The following DBF4B variants were observed in gnomAD, a reference collection of about 807,000 sequenced individuals.
The protein encoded by DBF4B is protein DBF4 homolog B.
In DBF4B, 49 loss-of-function variants were observed where a neutral mutation model predicts 53.4. The ratio of observed to expected loss-of-function variants is 0.92; its 90% CI spans 0.73 to 1.16. The LOEUF is 1.16. Among genes scored for constraint, DBF4B ranks in the 50% most tolerant of loss-of-function variants. The pLI is 0.00. For synonymous variants in DBF4B, 257 were observed against 288.7 expected (o/e 0.89, Z 1.11); for missense variants, 692 against 775.0 (o/e 0.89, Z 1.27).
rs1238074771 is a variant in DBF4B at position 44,748,919 on chromosome 17, C to G, written c.1189+454C>G. On this transcript the variant is annotated intron_variant, in intron 13 of 13. Coordinates refer to ENST00000315005, the MANE Select transcript of DBF4B (RefSeq NM_145663.3). The stretch of plus-strand genomic sequence containing the variant: ...CAGACCTGCCTCTCTCTCCCAGACC[C>G]CTTCCCCTGGCAGCCCACAGACAGA... The G allele has an allele frequency of 3.1e-6, 4 of 1,289,974 alleles. No individual in the cohort carries two copies. In the Admixed American group the frequency reaches 9.2e-5, roughly 30 times the overall value. The allele number at this position is 1,289,974 out of a possible 1,614,324, so 79.9% of individuals were successfully genotyped here. A position where few individuals can be genotyped will look rare whatever the true frequency, so the allele number is the denominator to read the frequency against.
chr17:44,741,351 C>A lies in DBF4B; in HGVS notation c.729C>A (p.Phe243Leu), dbSNP rs749122733. 2 of 1,613,166 alleles carry A rather than the reference C, an allele frequency of 1.2e-6. No individual in the cohort carries two copies. The highest frequency in any genetic ancestry group is 1.7e-5 in the Admixed American group (1 of 60,000). Residue 243 changes from phenylalanine to leucine, a missense_variant, in exon 10 of 14, where the codon TTC becomes TTA. By Grantham distance (22) the Phe-to-Leu change is conservative (BLOSUM62 0). This residue lies in a region of DBF4B where 597 missense variants were observed against 665.8 expected (regional missense o/e 0.90). Transcript: ENST00000315005. ...TCTGTTGCAGGAAGTTTCGTCCTTT[C>A]CATCATCAGTTTAAATCCTTTCCTG... The part of the protein sequence containing the change: ...IEDESRKFRP[F>L]HHQFKSFPEI...
Position 44,749,577 on chromosome 17 carries a change from G to A in DBF4B, c.1190-1018G>A, listed in dbSNP as rs2049223705. On this transcript the variant is annotated intron_variant, in intron 13 of 13. Coordinates refer to ENST00000315005, the MANE Select transcript of DBF4B (RefSeq NM_145663.3). This position sits in a 1 kb window ranked among gnomAD's most constrained non-coding sequence, Gnocchi z 4.4. ...GGCCAGGTCTTTGGGAGAGAATCTGGGCTGGGGGCTGCCCTCTCCTACCCC... is the reference window on the plus strand; with the variant it reads ...GGCCAGGTCTTTGGGAGAGAATCTGAGCTGGGGGCTGCCCTCTCCTACCCC... 4 of 1,201,710 alleles carry A rather than the reference G, an allele frequency of 3.3e-6. No individual in the cohort carries two copies. Among genetic ancestry groups the A allele is most frequent in the Non-Finnish European group, 3.2e-6 (3 of 947,460 alleles). The allele number at this position is 1,201,710 out of a possible 1,614,324, so 74.4% of individuals were successfully genotyped here.
chr17:44,731,201 G>A (rs190305044), intron 5 of DBF4B, 186 bp downstream of exon 5: 2 of 635,212 alleles, frequency 3.1e-6, no homozygotes, highest in African/African-American at 3.7e-5. Context: ...CATTCACCTA[G>A]AGAGTAAGTG....
chr17:44,741,520 G>A, intron 10 of DBF4B, 68 bp downstream of exon 10: 1 of 1,117,264 alleles, frequency 9.0e-7, no homozygotes, highest in Admixed American at 2.3e-5. Context: ...TCGGGGGCCT[G>A]CTGGTCAGAT....
intron 4 of DBF4B, 24 bp downstream of exon 4, chr17:44,730,120 T>C: frequency 6.2e-7 from 1 of 1,609,506 alleles, no homozygotes; most frequent in Non-Finnish European, 8.5e-7. Context: ...GTAGGAAAGG[T>C]ATGCTGTGTA....
chr17:44,731,129 T>C (rs2144948305), intron 5 of DBF4B, 114 bp downstream of exon 5: 1 of 1,163,192 alleles, frequency 8.6e-7, no homozygotes, highest in Non-Finnish European at 1.3e-6. Flanking sequence ...CTGCGATATG[T>C]AGTATTGTCA....
intron 2 of DBF4B, among the ~76,000 whole-genome samples, chr17:44,710,414 T>C (rs1273240618): frequency 2.0e-5 from 3 of 152,164 alleles, no homozygotes; most frequent in Non-Finnish European, 2.9e-5. Flanking sequence ...AAAATTTAAG[T>C]CAATTTTTTT....
At chr17:44,741,914 C>A (rs1976071978) in intron 10 of DBF4B, among the ~76,000 whole-genome samples, 1 of 152,052 alleles carries the variant, frequency 6.6e-6, no homozygotes, top group South Asian at 2.1e-4. Flanking sequence ...TATCTATAGA[C>A]CACCATTATC....
intron 6 of DBF4B, chr17:44,733,849 G>T (rs949815272): frequency 3.8e-6 from 2 of 529,082 alleles, no homozygotes; most frequent in African/African-American, 3.8e-5. Context: ...AAGATGAGTT[G>T]TATTCAATGC....
rs924705622 is a variant in DBF4B, at chr17:44,746,950, G to A, written c.831-133G>A. ...TACCAAGCTCAGGGAAGGCCTGCCT[G>A]CCGGTGCCTGCACAGCCCCTTGGCC... On this transcript the variant is annotated intron_variant, in intron 10 of 13. Transcript: ENST00000315005. The A allele has an allele frequency of 5.4e-6, 4 of 744,982 alleles. No homozygotes were observed. The African/African-American group carries it at 7.0e-5, about 13-fold the overall frequency. The allele number at this position is 744,982 out of a possible 1,614,324, so 46.1% of individuals were successfully genotyped here.
rs138562124 is a variant in DBF4B at position 44,727,916 on chromosome 17, C to T, written c.226-1989C>T. On this transcript the variant is annotated intron_variant, in intron 3 of 13. Coordinates refer to ENST00000315005, the MANE Select transcript of DBF4B (RefSeq NM_145663.3). The stretch of plus-strand genomic sequence containing the variant: ...TACTTTTAGTGAAGACGAAGTTTCA[C>T]CATGTTGGCCAGGCTGGTCTCAAAC... Among the ~76,000 whole-genome samples, 1,139 of 145,602 alleles carry T rather than the reference C, an allele frequency of 7.8e-3. 14 individuals are homozygous for T. The highest frequency in any genetic ancestry group is 0.027 in the African/African-American group (1,074 of 39,196).
chr17:44,725,684 C>CT (rs68091397), intron 3 of DBF4B, among the ~76,000 whole-genome samples: 2,741 of 87,634 alleles, frequency 0.031, 281 homozygotes, highest in Non-Finnish European at 0.047. Context: ...TTTTGTGCTT[C>CT]TTTTTTTTTT....
intron 3 of DBF4B, among the ~76,000 whole-genome samples, chr17:44,724,188 A>T (rs56654735): frequency 0.013 from 2,016 of 152,230 alleles, 40 homozygotes; most frequent in African/African-American, 0.044. Context: ...TCTTGAGCCC[A>T]GGAGTTTAGA....
Position 44,749,740 on chromosome 17 carries a change from C to T in DBF4B, c.1190-855C>T. 8.9e-7 allele frequency: 1 copy of T among 1,126,396 alleles called. No homozygotes were observed. 69.8% of individuals were successfully genotyped at this position (1,126,396 alleles called of 1,614,324 possible). ...GGAGCTGGGGCAGCAGGAGTCCTGGCCCGGCTTCCTGGCCCTCCACAGGCC... is the reference window on the plus strand; with the variant it reads ...GGAGCTGGGGCAGCAGGAGTCCTGGTCCGGCTTCCTGGCCCTCCACAGGCC... On this transcript the variant is annotated intron_variant, in intron 13 of 13. Coordinates refer to ENST00000315005, the MANE Select transcript of DBF4B (RefSeq NM_145663.3). This position sits in a 1 kb window ranked among gnomAD's most constrained non-coding sequence, Gnocchi z 4.4.
In DBF4B at chr17:44,749,425, C is replaced by T. The variant is rs972946229; in HGVS notation, c.1189+960C>T. 1.9e-5 allele frequency: 24 copies of T among 1,289,292 alleles called. No homozygotes were observed. The African/African-American group carries it at 2.0e-4, about 11-fold the overall frequency. The allele number at this position is 1,289,292 out of a possible 1,614,324, so 79.9% of individuals were successfully genotyped here. On this transcript the variant is annotated intron_variant, in intron 13 of 13. Transcript: ENST00000315005. The surrounding 1 kb of genome is among the most constrained non-coding windows in gnomAD (Gnocchi z 4.4). Reference sequence around the variant, plus strand: ...CACACCCGGCCAGGGCTGACCAGGACGCAGGAGGGGCAGAACCCCAGGACT... The same window carrying T: ...CACACCCGGCCAGGGCTGACCAGGATGCAGGAGGGGCAGAACCCCAGGACT...
Position 44,730,059 on chromosome 17 carries a change from G to A in DBF4B, c.380G>A (p.Gly127Asp), listed in dbSNP as rs760524347. The change falls in exon 4 of 14, where the codon GGC becomes GAC. Residue 127 changes from glycine (G) to aspartate (D), a missense_variant. Gly to Asp is a moderately conservative substitution (Grantham distance 94, BLOSUM62 -1). Around this residue, in one of 3 missense-constraint regions of DBF4B, gnomAD observed 597 missense variants for 665.8 expected, o/e 0.90. Transcript: ENST00000315005. ...ACATCGGCCATGGTTGATCCAAAAGGCAGCCACCCCAGGCCTTCACGGAAA... is the reference window on the plus strand; with the variant it reads ...ACATCGGCCATGGTTGATCCAAAAGACAGCCACCCCAGGCCTTCACGGAAA... ...VETSAMVDPK[G>D]SHPRPSRKPV... is the part of the protein sequence containing the mutation. 5.0e-6 allele frequency: 8 copies of A among 1,612,904 alleles called. No individual in the cohort carries two copies. The South Asian group carries it at 6.6e-5, about 13-fold the overall frequency.
At chr17:44,734,238 G>T in intron 7 of DBF4B, 75 bp downstream of exon 7, 1 of 1,577,864 alleles carries the variant, frequency 6.3e-7, no homozygotes, top group Non-Finnish European at 8.7e-7. Flanking sequence ...GTAAATCCAT[G>T]GCCCACCCAA....
Position 44,751,433 on chromosome 17 carries a change from A to G in DBF4B, c.*180A>G. ...CCCAGTGGGCATTGCCTTATCTTGC[A>G]GTCAGTCCCTTTTCAACATGTTGCC... On this transcript the variant is annotated 3_prime_UTR_variant, in exon 14 of 14. Transcript: ENST00000315005. The G allele has an allele frequency of 7.0e-7, 1 of 1,425,226 alleles. No homozygotes were observed. The highest frequency in any genetic ancestry group is 9.1e-7 in the Non-Finnish European group (1 of 1,095,536). 88.3% of individuals were successfully genotyped at this position (1,425,226 alleles called of 1,614,324 possible). A position where few individuals can be genotyped will look rare whatever the true frequency, so the allele number is the denominator to read the frequency against.
At chr17:44,743,595 T>A (rs1056968048) in intron 10 of DBF4B, among the ~76,000 whole-genome samples, 1 of 147,114 alleles carries the variant, frequency 6.8e-6, no homozygotes, top group South Asian at 2.2e-4. Context: ...GCATAGTCAA[T>A]ACTGTATGAT....
Sources: gnomAD v4.1 joint callset for allele counts (sites outside exome capture counted in the v4.1 genomes callset) on GRCh38, gnomAD v4.1.1 for gene constraint, gnomAD v4.1.1 regional missense constraint, Gnocchi (gnomAD v3.1) non-coding constraint, MANE v1.5 for transcripts, NCBI Gene and HGNC (gene_info 2026-07-23, HGNC 2026-07-21) for gene names.